The following STX8 variants were observed in gnomAD, a reference collection of about 807,000 sequenced individuals.
The protein encoded by STX8 is syntaxin-8.
A neutral mutation model predicts 37.5 loss-of-function variants in STX8; 23 were observed. That is an observed-to-expected ratio of 0.61 (90% CI 0.44 to 0.87). STX8 has a LOEUF of 0.87. Ranked by LOEUF, STX8 falls within the 40% of genes least tolerant of loss-of-function variation. STX8 has a pLI of 0.00. For missense variants in STX8, 313 were observed against 284.7 expected (o/e 1.10, Z -0.71); for synonymous variants, 115 against 99.1 (o/e 1.16, Z -0.95).
At position 9,386,613 on chromosome 17, in the gene STX8, C is replaced by T. The variant is rs555451034; in HGVS notation, c.542-7960G>A. On this transcript the variant is annotated intron_variant, in intron 6 of 7. Transcript: ENST00000306357. ...CAGGCAGGCAAGACAAAACAAATGC[C>T]TTAGAATAACAAAATTTCAGACCTG... Among the ~76,000 whole-genome samples the T allele has an allele frequency of 2.8e-4, 42 of 152,092 alleles. 1 individual carries two copies. In the South Asian group the frequency reaches 8.5e-3, roughly 31 times the overall value.
intron 5 of STX8, among the ~76,000 whole-genome samples, chr17:9,502,680 A>G (rs978982489): frequency 2.0e-5 from 3 of 152,222 alleles, no homozygotes; most frequent in Admixed American, 6.5e-5. Context: ...AAAGTCTTAT[A>G]CATGAATGCT....
chr17:9,274,273 A>G (rs1305799579), intron 7 of STX8, among the ~76,000 whole-genome samples: 1 of 152,128 alleles, frequency 6.6e-6, no homozygotes, highest in Non-Finnish European at 1.5e-5. Context: ...TGTTCTGGAA[A>G]GGATTTGATC....
intron 7 of STX8, among the ~76,000 whole-genome samples, chr17:9,362,484 A>T (rs1911090250): frequency 1.3e-5 from 2 of 152,108 alleles, no homozygotes; most frequent in South Asian, 2.1e-4. Flanking sequence ...GCCCTAATAC[A>T]TACTAAAACC....
At chr17:9,376,214 C>G (rs762249814) in intron 7 of STX8, among the ~76,000 whole-genome samples, 2 of 151,854 alleles carry the variant, frequency 1.3e-5, no homozygotes, top group Non-Finnish European at 2.9e-5. Context: ...CTCTGTGTCT[C>G]GCTAAAGGTT....
At chr17:9,458,719 T>A (rs1405335316) in intron 6 of STX8, among the ~76,000 whole-genome samples, 2 of 152,136 alleles carry the variant, frequency 1.3e-5, no homozygotes, top group Admixed American at 1.3e-4. Context: ...CTCTTCCAGA[T>A]GACAGTGTCA....
chr17:9,365,185 T>C (rs4239104), intron 7 of STX8, among the ~76,000 whole-genome samples: 14,318 of 152,298 alleles, frequency 0.094, 867 homozygotes, highest in Middle Eastern at 0.17. Context: ...TGTGAATTTA[T>C]TGTCAACATT....
At chr17:9,539,964 T>C (rs767530528) in intron 4 of STX8, among the ~76,000 whole-genome samples, 3 of 152,170 alleles carry the variant, frequency 2.0e-5, no homozygotes, top group South Asian at 4.1e-4. Context: ...GAACATGTCA[T>C]ATAATGAACA....
chr17:9,314,693 C>A (rs1909320412), intron 7 of STX8, among the ~76,000 whole-genome samples: 4 of 150,912 alleles, frequency 2.7e-5, no homozygotes, highest in Admixed American at 2.6e-4. Flanking sequence ...CAGGCATGAG[C>A]CACCATGCCC....
At chr17:9,342,119 A>G (rs971934749) in intron 7 of STX8, among the ~76,000 whole-genome samples, 4 of 152,170 alleles carry the variant, frequency 2.6e-5, no homozygotes, top group Non-Finnish European at 5.9e-5. Context: ...TTAGAGTCTC[A>G]TAAGAAGCAC....
intron 7 of STX8, among the ~76,000 whole-genome samples, chr17:9,360,460 T>G (rs1911026402): frequency 6.6e-6 from 1 of 151,892 alleles, no homozygotes; most frequent in Non-Finnish European, 1.5e-5. Flanking sequence ...GGTCTCGAAC[T>G]CCTGACCTCA....
intron 6 of STX8, among the ~76,000 whole-genome samples, chr17:9,390,836 C>CA (rs34205577): frequency 0.21 from 19,507 of 93,294 alleles, 2,145 homozygotes; most frequent in African/African-American, 0.24. Context: ...GACTCCGTCT[C>CA]AAAAAAAAAA....
chr17:9,433,145 T>C (rs1292527010), intron 6 of STX8, among the ~76,000 whole-genome samples: 1 of 152,206 alleles, frequency 6.6e-6, no homozygotes, highest in African/African-American at 2.4e-5. Context: ...AAAATCACCA[T>C]CGTCATAATG....
chr17:9,347,274 G>A (rs1241544621), intron 7 of STX8, among the ~76,000 whole-genome samples: 1 of 152,064 alleles, frequency 6.6e-6, no homozygotes, highest in East Asian at 1.9e-4. Context: ...TTTTACACCA[G>A]GAAGCCCTCA....
intron 7 of STX8, among the ~76,000 whole-genome samples, chr17:9,287,316 A>G (rs1436096649): frequency 6.6e-6 from 1 of 151,982 alleles, no homozygotes; most frequent in Non-Finnish European, 1.5e-5. Flanking sequence ...GGCCAGATGC[A>G]CCCCAGGTCC....
intron 1 of STX8, among the ~76,000 whole-genome samples, chr17:9,569,337 G>T (rs907218946): frequency 9.2e-5 from 14 of 152,208 alleles, no homozygotes; most frequent in Non-Finnish European, 1.3e-4. Flanking sequence ...AGGATAAAGG[G>T]ACAGAGAGTG....
chr17:9,410,174 G>C (rs1383049599), intron 6 of STX8, among the ~76,000 whole-genome samples: 1 of 152,148 alleles, frequency 6.6e-6, no homozygotes, highest in Non-Finnish European at 1.5e-5. Context: ...CATGGATTCT[G>C]AATTTCTCTT....
At chr17:9,259,497 A>G (rs1417925923) in intron 7 of STX8, among the ~76,000 whole-genome samples, 1 of 152,204 alleles carries the variant, frequency 6.6e-6, no homozygotes, top group Non-Finnish European at 1.5e-5. Context: ...GTAGAAACAG[A>G]GGGAGCAATT....
chr17:9,297,866 G>T (rs1908622193), intron 7 of STX8, among the ~76,000 whole-genome samples: 1 of 152,166 alleles, frequency 6.6e-6, no homozygotes, highest in Non-Finnish European at 1.5e-5. Context: ...ATGTTTGTTA[G>T]CTGGGGATGC....
chr17:9,388,414 A>G lies in STX8; in HGVS notation c.542-9761T>C, dbSNP rs1260984379. The stretch of plus-strand genomic sequence containing the variant: ...TAAGTTATAAAAATTATTCAATAGC[A>G]GTTTATAAATGCGAGGGGAAAAAGT... On this transcript the variant is annotated intron_variant, in intron 6 of 7. Coordinates refer to ENST00000306357, the MANE Select transcript of STX8 (RefSeq NM_004853.3). Among the ~76,000 whole-genome samples, 5 of 151,996 alleles carry G rather than the reference A, an allele frequency of 3.3e-5. No homozygotes were observed. In the East Asian group the frequency reaches 9.7e-4, roughly 29 times the overall value.
Sources: gnomAD v4.1 joint callset for allele counts (sites outside exome capture counted in the v4.1 genomes callset) on GRCh38, gnomAD v4.1.1 for gene constraint, MANE v1.5 for transcripts, NCBI Gene and HGNC (gene_info 2026-07-23, HGNC 2026-07-21) for gene names.